The following SPRY4 variants were observed in gnomAD, a reference collection of about 807,000 sequenced individuals.
SPRY4 encodes protein sprouty homolog 4.
Under a neutral mutation model 17.0 loss-of-function variants are expected in SPRY4, and 7 were observed. That is an observed-to-expected ratio of 0.41 (90% CI 0.23 to 0.77). SPRY4 has a LOEUF of 0.77. Among genes scored for constraint, SPRY4 ranks in the 30% least tolerant of loss-of-function variants. SPRY4 has a pLI of 0.32. For synonymous variants in SPRY4, 183 were observed against 174.1 expected (o/e 1.05, Z -0.40); for missense variants, 435 against 419.9 (o/e 1.04, Z -0.31).
chr5:142,324,517 G>A (rs1308818648), intron 1 of SPRY4: 2 of 152,032 alleles, frequency 1.3e-5, no homozygotes, highest in African/African-American at 2.4e-5. Flanking sequence ...ATGGTGGCAG[G>A]AGAAGGAAAG....
rs763627885 is a variant in SPRY4, at chr5:142,315,035, C to T, written c.74G>A (p.Arg25Gln). 7.4e-6 allele frequency: 12 copies of T among 1,613,606 alleles called. No homozygotes were observed. In the Admixed American group the frequency reaches 1.0e-4, roughly 13 times the overall value. Residue 25 changes from arginine to glutamine, a missense_variant, in exon 2 of 2, where the codon CGG becomes CAG. Arg to Gln is a conservative substitution (Grantham distance 43). Transcript: ENST00000434127. ...GTGCTGGAGCCGGCTGTGGGACATC[C>T]GGCTGTCAAGAAGGGGCTGGACCAT... Reference protein sequence around the residue: ...SVMVQPLLDSRMSHSRLQHPL... With the variant: ...SVMVQPLLDSQMSHSRLQHPL...
intron 1 of SPRY4, among the ~76,000 whole-genome samples, chr5:142,319,155 T>G (rs1437339272): frequency 1.3e-5 from 2 of 152,220 alleles, no homozygotes; most frequent in Admixed American, 6.5e-5. Flanking sequence ...TGGAAAGGCA[T>G]GAAAGTGCCA....
intron 1 of SPRY4, among the ~76,000 whole-genome samples, chr5:142,321,782 C>T (rs1446977053): frequency 6.6e-6 from 1 of 152,196 alleles, no homozygotes; most frequent in East Asian, 1.9e-4. Flanking sequence ...CCTTCCTAGG[C>T]CTCCTTTGCA....
At chr5:142,323,431 C>T (rs1446311476) in intron 1 of SPRY4, among the ~76,000 whole-genome samples, 1 of 152,222 alleles carries the variant, frequency 6.6e-6, no homozygotes, top group African/African-American at 2.4e-5. Context: ...GTACACTCTT[C>T]TTTCCAGCAC....
intron 1 of SPRY4, among the ~76,000 whole-genome samples, chr5:142,320,851 T>G (rs748296813): frequency 1.4e-4 from 21 of 151,706 alleles, no homozygotes; most frequent in Admixed American, 2.6e-4. Context: ...GAGCAGGAAA[T>G]GACTTCCCCT....
At position 142,315,018 on chromosome 5, in the gene SPRY4, G is replaced by A. The variant is rs1759097969; in HGVS notation, c.91C>T (p.Leu31Phe). The A allele has an allele frequency of 6.2e-7, 1 of 1,613,922 alleles. No individual in the cohort carries two copies. The highest frequency in any genetic ancestry group is 1.1e-5 in the South Asian group (1 of 91,082). The change falls in exon 2 of 2, where the codon CTC becomes TTC. Residue 31 changes from leucine to phenylalanine, a missense_variant. By Grantham distance (22) the Leu-to-Phe change is conservative. Transcript: ENST00000434127. ...GGTAGGATGGTGAGTGGGTGCTGGA[G>A]CCGGCTGTGGGACATCCGGCTGTCA... is the stretch of plus-strand genomic sequence containing the variant. The part of the protein sequence containing the change: ...LLDSRMSHSR[L>F]QHPLTILPID...
At position 142,314,308 on chromosome 5, in the gene SPRY4, A is replaced by T; in HGVS notation, c.801T>A (p.Arg267=). The change falls in exon 2 of 2, where the codon CGT becomes CGA. Residue 267 remains arginine (R), a synonymous_variant. Coordinates refer to ENST00000434127, the MANE Select transcript of SPRY4 (RefSeq NM_001127496.3). The surrounding 1 kb of genome is among the most constrained non-coding windows in gnomAD (Gnocchi z 4.8). The stretch of plus-strand genomic sequence containing the variant: ...TGCAGCGGCAACCAGGGCGGCGCAG[A>T]CGGTCGTAGCCACGCTGGGCCAGCT... ...CVKLAQRGYD[R]LRRPGCRCKH... 6.2e-7 allele frequency: 1 copy of T among 1,613,908 alleles called. No homozygotes were observed. Among genetic ancestry groups the T allele is most frequent in the Non-Finnish European group, 8.5e-7 (1 of 1,179,970 alleles).
In SPRY4 at chr5:142,315,150, G is replaced by A. The variant is rs750065244; in HGVS notation, c.-42C>T. The A allele has an allele frequency of 3.2e-6, 5 of 1,582,912 alleles. No individual in the cohort carries two copies. The South Asian group carries it at 5.5e-5, about 18-fold the overall frequency. On this transcript the variant is annotated 5_prime_UTR_variant, in exon 2 of 2. Coordinates refer to ENST00000434127, the MANE Select transcript of SPRY4 (RefSeq NM_001127496.3). ...GACTGTACGGAGAAACAGGCTTCTA[G>A]GGGCCCTGGGGGTGGGGTGGGGAAA...
rs1190471769 is a variant in SPRY4 at position 142,314,064 on chromosome 5, T to C, written c.*145A>G. ...ACAGGGTACGTGGTGGTGGTCTCTG[T>C]ATTTTCCGAAGCTGGGGGTAGGGAG... On this transcript the variant is annotated 3_prime_UTR_variant, in exon 2 of 2. Transcript: ENST00000434127. This position sits in a 1 kb window ranked among gnomAD's most constrained non-coding sequence, Gnocchi z 4.8. 2.4e-6 allele frequency: 2 copies of C among 818,420 alleles called. No individual in the cohort carries two copies. Among genetic ancestry groups the C allele is most frequent in the Non-Finnish European group, 3.7e-6 (2 of 535,696 alleles). 50.7% of individuals were successfully genotyped at this position (818,420 alleles called of 1,614,324 possible).
chr5:142,319,128 T>C (rs997929459), intron 1 of SPRY4, among the ~76,000 whole-genome samples: 1 of 152,172 alleles, frequency 6.6e-6, no homozygotes, highest in African/African-American at 2.4e-5. Flanking sequence ...AAGCCCTCCA[T>C]AACCTCTGGG....
chr5:142,319,707 C>T (rs1266765269), intron 1 of SPRY4: 1 of 1,603,526 alleles, frequency 6.2e-7, no homozygotes. Flanking sequence ...GTCTGGGAGC[C>T]CAGAACCAGC....
Position 142,314,083 on chromosome 5 carries a change from T to G in SPRY4, c.*126A>C. The G allele has an allele frequency of 5.2e-6, 5 of 965,628 alleles. No individual in the cohort carries two copies. The highest frequency in any genetic ancestry group is 3.5e-5 in the South Asian group (2 of 57,178). 59.8% of individuals were successfully genotyped at this position (965,628 alleles called of 1,614,324 possible). A position where few individuals can be genotyped will look rare whatever the true frequency, so the allele number is the denominator to read the frequency against. On this transcript the variant is annotated 3_prime_UTR_variant, in exon 2 of 2. Coordinates refer to ENST00000434127, the MANE Select transcript of SPRY4 (RefSeq NM_001127496.3). The surrounding 1 kb of genome is among the most constrained non-coding windows in gnomAD (Gnocchi z 4.8). ...TCTCTGTATTTTCCGAAGCTGGGGGTAGGGAGTGGGCAGACTAGCAAGGTC... is the reference window on the plus strand; with the variant it reads ...TCTCTGTATTTTCCGAAGCTGGGGGGAGGGAGTGGGCAGACTAGCAAGGTC...
rs1270639591 is a variant in SPRY4 at position 142,311,480 on chromosome 5, GTC to G, written c.*2727_*2728del. ...AGAAGCAGCTACACATGTGTGTTGT[GTC>G]TCTGAGTGCTGGGTCCCTCAGTGGC... On this transcript the variant is annotated 3_prime_UTR_variant, in exon 2 of 2. Coordinates refer to ENST00000434127, the MANE Select transcript of SPRY4 (RefSeq NM_001127496.3). 6.6e-6 allele frequency: 1 copy of G among 152,270 alleles called. No individual in the cohort carries two copies. Among genetic ancestry groups the G allele is most frequent in the Non-Finnish European group, 1.5e-5 (1 of 68,068 alleles). The allele number at this position is 152,270 out of a possible 1,614,324, so 9.4% of individuals were successfully genotyped here. A position where few individuals can be genotyped will look rare whatever the true frequency, so the allele number is the denominator to read the frequency against.
chr5:142,320,453 C>A (rs1759309607), intron 1 of SPRY4, among the ~76,000 whole-genome samples: 1 of 152,182 alleles, frequency 6.6e-6, no homozygotes, highest in African/African-American at 2.4e-5. Flanking sequence ...ATTCCCAACC[C>A]TCTTCTCTTC....
intron 1 of SPRY4, among the ~76,000 whole-genome samples, chr5:142,321,445 CT>C (rs1230389326): frequency 1.3e-5 from 2 of 152,222 alleles, no homozygotes; most frequent in African/African-American, 4.8e-5. Context: ...TCACCTACCC[CT>C]GGCTCTTTTG....
intron 1 of SPRY4, chr5:142,323,961 A>C (rs1305031923): frequency 6.6e-6 from 1 of 152,206 alleles, no homozygotes; most frequent in Non-Finnish European, 1.5e-5. Context: ...CAGGAGCCTT[A>C]TCTCTCCTAC....
rs1303181779 is a variant in SPRY4 at position 142,312,577 on chromosome 5, T to A, written c.*1632A>T. 2 of 152,150 alleles carry A rather than the reference T, an allele frequency of 1.3e-5. No homozygotes were observed. Among genetic ancestry groups the A allele is most frequent in the Non-Finnish European group, 2.9e-5 (2 of 68,018 alleles). The allele number at this position is 152,150 out of a possible 1,614,324, so 9.4% of individuals were successfully genotyped here. A position where few individuals can be genotyped will look rare whatever the true frequency, so the allele number is the denominator to read the frequency against. On this transcript the variant is annotated 3_prime_UTR_variant, in exon 2 of 2. Transcript: ENST00000434127. Reference sequence around the variant, plus strand: ...GTTCCTATACAGAACAAACTGGAAATGCTACGGACGCTCTGCCTCATGCAC... The same window carrying A: ...GTTCCTATACAGAACAAACTGGAAAAGCTACGGACGCTCTGCCTCATGCAC...
intron 1 of SPRY4, among the ~76,000 whole-genome samples, chr5:142,323,670 C>A (rs979391345): frequency 6.6e-6 from 1 of 152,316 alleles, no homozygotes; most frequent in Admixed American, 6.5e-5. Flanking sequence ...CTCCTGCCCA[C>A]AACCCCCTGC....
chr5:142,318,167 CAAAA>C (rs367761988), intron 1 of SPRY4: 1 of 543,768 alleles, frequency 1.8e-6, no homozygotes, highest in African/African-American at 2.2e-5. Flanking sequence ...AATGATGTCT[CAAAA>C]AAAAAAAGAA....
Sources: allele counts gnomAD v4.1 joint callset (sites outside exome capture counted in the v4.1 genomes callset), GRCh38; gene constraint gnomAD v4.1.1; non-coding constraint Gnocchi (gnomAD v3.1); transcripts MANE v1.5; gene names NCBI Gene and HGNC (gene_info 2026-07-23, HGNC 2026-07-21).